DAB1: variants seen among roughly 807,000 people sequenced by gnomAD.
DAB1 encodes DAB adaptor protein 1.
Under a neutral mutation model 64.6 loss-of-function variants are expected in DAB1, and 15 were observed. That is an observed-to-expected ratio of 0.23 (90% confidence interval 0.16 to 0.36). The LOEUF (loss-of-function observed/expected upper bound fraction) is 0.36, where lower values mean the gene tolerates loss of function less well. Ranked by LOEUF, DAB1 falls within the 10% of genes least tolerant of loss-of-function variation. DAB1 has a pLI of 1.00. For missense variants in DAB1, 596 were observed against 706.7 expected (o/e 0.84, Z 1.78); for synonymous variants, 235 against 251.9 (o/e 0.93, Z 0.64).
intron 1 of DAB1, among the ~76,000 whole-genome samples, chr1:57,346,638 G>A (rs1377798487): frequency 6.6e-6 from 1 of 152,052 alleles, no homozygotes; most frequent in African/African-American, 2.4e-5. Flanking sequence ...TGGAATTCTA[G>A]GCTGTTTTGT....
intron 7 of DAB1, among the ~76,000 whole-genome samples, chr1:57,465,436 G>T (rs1238557778): frequency 6.6e-6 from 1 of 152,106 alleles, no homozygotes; most frequent in Non-Finnish European, 1.5e-5. Flanking sequence ...CTGAACAAAT[G>T]AATGAATGAA....
intron 4 of DAB1, among the ~76,000 whole-genome samples, chr1:58,326,581 G>A (rs1477967976): frequency 6.6e-6 from 1 of 152,192 alleles, no homozygotes; most frequent in Non-Finnish European, 1.5e-5. Flanking sequence ...TCCTTTCTGA[G>A]AGCCAGGCTC....
chr1:57,086,148 A>T (rs1284444683), intron 4 of DAB1, among the ~76,000 whole-genome samples: 1 of 152,084 alleles, frequency 6.6e-6, no homozygotes, highest in African/African-American at 2.4e-5. Context: ...AGTGGTTGAA[A>T]TTGTCAGCTC....
intron 3 of DAB1, among the ~76,000 whole-genome samples, chr1:58,475,507 A>G (rs1345974961): frequency 5.8e-5 from 8 of 138,644 alleles, no homozygotes; most frequent in Non-Finnish European, 1.3e-4. Flanking sequence ...CACACACACG[A>G]ATCAGACTAA....
intron 2 of DAB1, among the ~76,000 whole-genome samples, chr1:57,257,611 G>T (rs552507005): frequency 3.3e-5 from 5 of 152,132 alleles, no homozygotes; most frequent in African/African-American, 1.2e-4. Context: ...CTATGTGATT[G>T]TAATAAATTC....
intron 6 of DAB1, among the ~76,000 whole-genome samples, chr1:57,803,837 TC>T (rs1376282826): frequency 2.6e-5 from 4 of 152,228 alleles, no homozygotes; most frequent in African/African-American, 9.6e-5. Context: ...GCCGGAGACT[TC>T]CTTGCTTTTT....
At chr1:57,593,438 T>C (rs1645469700) in intron 7 of DAB1, among the ~76,000 whole-genome samples, 1 of 152,228 alleles carries the variant, frequency 6.6e-6, no homozygotes, top group African/African-American at 2.4e-5. Context: ...CACCTTTTGG[T>C]ACTGTGAATA....
intron 7 of DAB1, among the ~76,000 whole-genome samples, chr1:57,494,188 T>C (rs1466769355): frequency 6.6e-6 from 1 of 152,164 alleles, no homozygotes; most frequent in Non-Finnish European, 1.5e-5. Context: ...GACTAGAGAC[T>C]TAAGGAGAGT....
At chr1:57,930,088 G>A (rs1047497939) in intron 5 of DAB1, among the ~76,000 whole-genome samples, 22 of 152,184 alleles carry the variant, frequency 1.4e-4, no homozygotes, top group African/African-American at 5.1e-4. Context: ...TAAAGTCTGG[G>A]TCTAGATTCA....
intron 3 of DAB1, among the ~76,000 whole-genome samples, chr1:58,488,530 C>T (rs1457939530): frequency 2.6e-5 from 4 of 152,194 alleles, no homozygotes; most frequent in African/African-American, 9.7e-5. Flanking sequence ...CAGATCACTG[C>T]AACCTCTGCC....
At chr1:57,406,953 G>C (rs1485160539) in intron 1 of DAB1, among the ~76,000 whole-genome samples, 2 of 152,224 alleles carry the variant, frequency 1.3e-5, no homozygotes, top group Non-Finnish European at 2.9e-5. Flanking sequence ...TGACATGCAT[G>C]ATATTTTTAC....
chr1:58,327,998 C>T (rs1223843845), intron 4 of DAB1, among the ~76,000 whole-genome samples: 1 of 152,126 alleles, frequency 6.6e-6, no homozygotes, highest in Non-Finnish European at 1.5e-5. Context: ...TAGGCCTGTC[C>T]CCTGGCTGAG....
intron 1 of DAB1, among the ~76,000 whole-genome samples, chr1:57,383,217 AT>A (rs1037741607): frequency 6.6e-6 from 1 of 152,160 alleles, no homozygotes; most frequent in Admixed American, 6.6e-5. Flanking sequence ...AAGTTCATTA[AT>A]TTTTTAAAAA....
At chr1:58,366,199 T>C (rs1644215607) in intron 3 of DAB1, among the ~76,000 whole-genome samples, 1 of 152,190 alleles carries the variant, frequency 6.6e-6, no homozygotes, top group African/African-American at 2.4e-5. Context: ...GATATCTCAT[T>C]CTGAGTATGG....
intron 7 of DAB1, among the ~76,000 whole-genome samples, chr1:57,447,300 T>C (rs969467362): frequency 2.6e-5 from 4 of 152,188 alleles, no homozygotes; most frequent in Non-Finnish European, 5.9e-5. Context: ...ACTGGCCCAT[T>C]GGACTTCTTC....
chr1:57,413,743 CAAAAAAAAAAAAAA>C (rs58388088), intron 1 of DAB1, among the ~76,000 whole-genome samples: 894 of 64,526 alleles, frequency 0.014, 5 homozygotes, highest in Non-Finnish European at 0.021. Flanking sequence ...GACTCTGTCT[CAAAAAAAAAAAAAA>C]AAAAAAAAAA....
In DAB1 at chr1:57,969,499, T is replaced by C. The variant is rs968044067; in HGVS notation, n.388-85337A>G. 9.2e-5 allele frequency among the ~76,000 whole-genome samples: 14 copies of C among 152,270 alleles called. No homozygotes were observed. In the East Asian group the frequency reaches 2.7e-3, roughly 29 times the overall value. On this transcript the variant is annotated intron_variant and non_coding_transcript_variant, in intron 5 of 20. Transcript: ENST00000485760. ...AATATATGTATGTTTTGATGTAATG[T>C]TTGTATTTACATAACATCCAAGTTC...
intron 1 of DAB1, among the ~76,000 whole-genome samples, chr1:57,390,051 A>G (rs1682214587): frequency 6.6e-6 from 1 of 152,228 alleles, no homozygotes; most frequent in Non-Finnish European, 1.5e-5. Flanking sequence ...TACTGCATCC[A>G]TGGTCTGCTC....
At chr1:58,402,326 A>G (rs748142136) in intron 3 of DAB1, among the ~76,000 whole-genome samples, 2 of 152,124 alleles carry the variant, frequency 1.3e-5, no homozygotes, top group Non-Finnish European at 2.9e-5. Flanking sequence ...CCCTCTCCCA[A>G]CACCCCCTTA....
Sources: gnomAD v4.1 joint callset for allele counts (sites outside exome capture counted in the v4.1 genomes callset) on GRCh38, gnomAD v4.1.1 for gene constraint, MANE v1.5 for transcripts, NCBI Gene and HGNC (gene_info 2026-07-23, HGNC 2026-07-21) for gene names.